The following GPATCH8 variants were observed in gnomAD, a reference collection of about 807,000 sequenced individuals.
GPATCH8 encodes G patch domain-containing protein 8.
GPATCH8 carries 18 observed loss-of-function variants against 118.3 expected under a neutral mutation model. The ratio of observed to expected loss-of-function variants is 0.15; its 90% CI spans 0.11 to 0.23. GPATCH8 has a LOEUF of 0.23. GPATCH8 is among the 10% of genes least tolerant of loss of function. The pLI, the probability that GPATCH8 is intolerant of heterozygous loss-of-function variation, is 1.00. For synonymous variants in GPATCH8, 659 were observed against 684.7 expected (o/e 0.96, Z 0.59); for missense variants, 1,631 against 1,873.8 (o/e 0.87, Z 2.39).
chr17:44,397,357 A>G lies in GPATCH8; in HGVS notation c.*211T>C, dbSNP rs1489418781. ...AGAAACACAGAAGAGGGAGGGACAA[A>G]TTGAGAGGAGGACAGGAAAAAGAAA... On this transcript the variant is annotated 3_prime_UTR_variant, in exon 8 of 8. Coordinates refer to ENST00000591680, the MANE Select transcript of GPATCH8 (RefSeq NM_001002909.4). 1.5e-6 allele frequency: 1 copy of G among 684,388 alleles called. No homozygotes were observed. The highest frequency in any genetic ancestry group is 2.8e-5 in the East Asian group (1 of 35,968). The allele number at this position is 684,388 out of a possible 1,614,324, so 42.4% of individuals were successfully genotyped here. A position where few individuals can be genotyped will look rare whatever the true frequency, so the allele number is the denominator to read the frequency against.
In GPATCH8 at chr17:44,452,733, T is replaced by C. The variant is rs139620690; in HGVS notation, c.193+11739A>G. 3.1e-3 allele frequency among the ~76,000 whole-genome samples: 466 copies of C among 152,330 alleles called. 3 individuals are homozygous for C. The highest frequency in any genetic ancestry group is 0.01 in the African/African-American group (431 of 41,570). On this transcript the variant is annotated intron_variant, in intron 3 of 7. Coordinates refer to ENST00000591680, the MANE Select transcript of GPATCH8 (RefSeq NM_001002909.4). Reference sequence around the variant, plus strand: ...AGATTTCGATGGCAAATCAAAGAATTTGGGTTTGGGTTTCAGCCCTATCAT... The same window carrying C: ...AGATTTCGATGGCAAATCAAAGAATCTGGGTTTGGGTTTCAGCCCTATCAT...
intron 3 of GPATCH8, among the ~76,000 whole-genome samples, chr17:44,463,216 G>A (rs1351729934): frequency 6.6e-6 from 1 of 152,036 alleles, no homozygotes; most frequent in African/African-American, 2.4e-5. Flanking sequence ...CACTGCACCT[G>A]TCCTTGTGTT....
chr17:44,414,051 T>A (rs1410504549), intron 6 of GPATCH8, among the ~76,000 whole-genome samples: 1 of 138,824 alleles, frequency 7.2e-6, no homozygotes, highest in African/African-American at 2.7e-5. Context: ...GTATGCCTGC[T>A]TTAAGGCATA....
At chr17:44,412,869 A>G (rs1280845394) in intron 6 of GPATCH8, among the ~76,000 whole-genome samples, 1 of 152,104 alleles carries the variant, frequency 6.6e-6, no homozygotes, top group Admixed American at 6.5e-5. Flanking sequence ...ACAACAAAAC[A>G]TTAATGTCTG....
At chr17:44,448,419 A>C (rs2050968453) in intron 3 of GPATCH8, among the ~76,000 whole-genome samples, 1 of 142,906 alleles carries the variant, frequency 7.0e-6, no homozygotes, top group Non-Finnish European at 1.5e-5. Flanking sequence ...AATTGGCCAG[A>C]CATGGTGGCA....
At chr17:44,452,889 AT>A (rs1485112728) in intron 3 of GPATCH8, among the ~76,000 whole-genome samples, 2 of 151,120 alleles carry the variant, frequency 1.3e-5, no homozygotes, top group Non-Finnish European at 2.9e-5. Context: ...CAGTGGCATG[AT>A]CTCAGCTCAC....
At chr17:44,480,834 G>A (rs1367526122) in intron 1 of GPATCH8, among the ~76,000 whole-genome samples, 4 of 152,010 alleles carry the variant, frequency 2.6e-5, no homozygotes, top group African/African-American at 7.3e-5. Flanking sequence ...TCACGCCACT[G>A]CACTCCAACC....
intron 3 of GPATCH8, among the ~76,000 whole-genome samples, chr17:44,447,874 T>C (rs2050945093): frequency 6.6e-6 from 1 of 152,234 alleles, no homozygotes; most frequent in Non-Finnish European, 1.5e-5. Context: ...TAAATCACTA[T>C]GCAGAACGCT....
intron 2 of GPATCH8, among the ~76,000 whole-genome samples, chr17:44,470,971 T>G: frequency 6.6e-6 from 1 of 152,252 alleles, no homozygotes. Context: ...TTATAACATT[T>G]GAGACCTAAA....
chr17:44,446,838 A>AC (rs1568001157), intron 3 of GPATCH8, among the ~76,000 whole-genome samples: 1 of 150,542 alleles, frequency 6.6e-6, no homozygotes, highest in Non-Finnish European at 1.5e-5. Flanking sequence ...CATTTCATCT[A>AC]TTTTTTTTTC....
At chr17:44,502,887 A>G (rs771653243) in intron 1 of GPATCH8, among the ~76,000 whole-genome samples, 2 of 152,188 alleles carry the variant, frequency 1.3e-5, no homozygotes, top group Non-Finnish European at 2.9e-5. Context: ...AAAGAGAAGG[A>G]CCCCAAAAGG....
At chr17:44,409,033 G>A (rs2049335415) in intron 6 of GPATCH8, 1 of 152,200 alleles carries the variant, frequency 6.6e-6, no homozygotes, top group Non-Finnish European at 1.5e-5. Context: ...TCTCTCAGAT[G>A]AGGACATTCT....
intron 6 of GPATCH8, among the ~76,000 whole-genome samples, chr17:44,423,285 G>C (rs754110124): frequency 6.6e-6 from 1 of 152,154 alleles, no homozygotes; most frequent in Non-Finnish European, 1.5e-5. Context: ...AAGTTGAAAA[G>C]CTGTCTTGAA....
At position 44,395,747 on chromosome 17, in the gene GPATCH8, T is replaced by G. The variant is rs2048756927; in HGVS notation, c.*1821A>C. The G allele has an allele frequency of 4.4e-6, 2 of 454,128 alleles. No individual in the cohort carries two copies. The highest frequency in any genetic ancestry group is 8.8e-6 in the Non-Finnish European group (2 of 226,798). 28.1% of individuals were successfully genotyped at this position (454,128 alleles called of 1,614,324 possible). A position where few individuals can be genotyped will look rare whatever the true frequency, so the allele number is the denominator to read the frequency against. On this transcript the variant is annotated 3_prime_UTR_variant, in exon 8 of 8. Coordinates refer to ENST00000591680, the MANE Select transcript of GPATCH8 (RefSeq NM_001002909.4). Reference sequence around the variant, plus strand: ...AATTTGCGAAGGCAGGAACAGAGCCTTGGCCCAGGTAAGTATGGTTTTTCT... The same window carrying G: ...AATTTGCGAAGGCAGGAACAGAGCCGTGGCCCAGGTAAGTATGGTTTTTCT...
intron 3 of GPATCH8, among the ~76,000 whole-genome samples, chr17:44,452,486 CAT>C (rs765768102): frequency 6.6e-6 from 1 of 152,068 alleles, no homozygotes; most frequent in South Asian, 2.1e-4. Flanking sequence ...GCTAGTCAAA[CAT>C]GTGCATAAAC....
intron 1 of GPATCH8, among the ~76,000 whole-genome samples, chr17:44,492,132 T>C (rs1024208568): frequency 2.0e-5 from 3 of 151,124 alleles, no homozygotes; most frequent in Admixed American, 6.6e-5. Flanking sequence ...AAACCCCATC[T>C]CTACTAAAAA....
intron 5 of GPATCH8, among the ~76,000 whole-genome samples, chr17:44,429,491 T>C (rs1311609844): frequency 6.6e-6 from 1 of 152,036 alleles, no homozygotes; most frequent in Non-Finnish European, 1.5e-5. Flanking sequence ...ACAAGAAAAC[T>C]GATTCCACTT....
chr17:44,415,859 G>C (rs1478375428), intron 6 of GPATCH8, among the ~76,000 whole-genome samples: 1 of 152,216 alleles, frequency 6.6e-6, no homozygotes, highest in Non-Finnish European at 1.5e-5. Flanking sequence ...CTGGGATTGA[G>C]TGCCAAAATG....
chr17:44,451,915 T>C (rs2051124443), intron 3 of GPATCH8, among the ~76,000 whole-genome samples: 1 of 152,176 alleles, frequency 6.6e-6, no homozygotes, highest in African/African-American at 2.4e-5. Context: ...TTTAGGTACA[T>C]TACAGCATAT....
Sources: allele counts gnomAD v4.1 joint callset (sites outside exome capture counted in the v4.1 genomes callset), GRCh38; gene constraint gnomAD v4.1.1; transcripts MANE v1.5; gene names NCBI Gene and HGNC (gene_info 2026-07-23, HGNC 2026-07-21).